Variants in FAM184A observed in about 807,000 individuals in gnomAD.
The protein encoded by FAM184A is family with sequence similarity 184 member A.
Under a neutral mutation model 143.8 loss-of-function variants are expected in FAM184A, and 99 were observed. The ratio of observed to expected loss-of-function variants is 0.69; its 90% CI spans 0.58 to 0.81. The LOEUF is 0.81. FAM184A is among the 40% of genes least tolerant of loss of function. The probability of loss-of-function intolerance (pLI) is 0.00; values close to 1 mark genes in which losing one functional copy is unlikely to be tolerated. For synonymous variants in FAM184A, 427 were observed against 446.4 expected, an observed-to-expected ratio of 0.96 and a Z score of 0.55; for missense variants, 1,217 against 1,310.5, an observed-to-expected ratio of 0.93 and a Z score of 1.10.
chr6:119,089,502 T>C (rs889907993), intron 1 of FAM184A, among the ~76,000 whole-genome samples: 1 of 152,178 alleles, frequency 6.6e-6, no homozygotes, highest in Non-Finnish European at 1.5e-5. Flanking sequence ...GGGATCTTGC[T>C]ACATTGCCCA....
At chr6:119,013,610 T>G (rs990238066) in intron 5 of FAM184A, among the ~76,000 whole-genome samples, 10 of 152,324 alleles carry the variant, frequency 6.6e-5, no homozygotes, top group African/African-American at 2.2e-4. Flanking sequence ...AATAGTGACC[T>G]GGCACAGAGA....
rs532496144 is a variant in FAM184A at position 118,997,127 on chromosome 6, G to A, written c.2088+5772C>T. Among the ~76,000 whole-genome samples the A allele has an allele frequency of 1.8e-4, 27 of 151,892 alleles. No homozygotes were observed. The South Asian group carries it at 5.2e-3, about 29-fold the overall frequency. On this transcript the variant is annotated intron_variant, in intron 9 of 17. Transcript: ENST00000338891. ...TTGAAAGGTAGTGGTATGGCTGGGC[G>A]TGGTGGCTCACACCTGTAATCCCAG... is the stretch of plus-strand genomic sequence containing the variant.
intron 1 of FAM184A, among the ~76,000 whole-genome samples, chr6:119,140,758 C>T (rs180880042): frequency 4.6e-5 from 7 of 152,268 alleles, no homozygotes; most frequent in Non-Finnish European, 8.8e-5. Context: ...GAAAGGGAGG[C>T]GAGGGAGGGT....
chr6:119,136,797 C>T (rs1312112637), intron 1 of FAM184A, among the ~76,000 whole-genome samples: 9 of 152,156 alleles, frequency 5.9e-5, no homozygotes, highest in African/African-American at 1.4e-4. Context: ...GCCACATGCC[C>T]GTTTCTTGGC....
intron 1 of FAM184A, among the ~76,000 whole-genome samples, chr6:119,100,845 G>T: frequency 6.6e-6 from 1 of 151,828 alleles, no homozygotes; most frequent in East Asian, 2.0e-4. Flanking sequence ...TATAGTCCCA[G>T]CTACTTGGGA....
intron 1 of FAM184A, among the ~76,000 whole-genome samples, chr6:119,101,223 C>T (rs1231874389): frequency 3.3e-5 from 5 of 151,668 alleles, no homozygotes; most frequent in Admixed American, 6.6e-5. Flanking sequence ...TGCACCACCA[C>T]GCCTGGCTAA....
intron 1 of FAM184A, among the ~76,000 whole-genome samples, chr6:119,032,659 G>A (rs1785934824): frequency 6.6e-6 from 1 of 150,500 alleles, no homozygotes; most frequent in Admixed American, 6.6e-5. Context: ...GGAAGGGAGG[G>A]AGCAGGGAGG....
intron 1 of FAM184A, among the ~76,000 whole-genome samples, chr6:119,041,970 G>A (rs1252877371): frequency 2.0e-5 from 3 of 152,116 alleles, no homozygotes; most frequent in Admixed American, 6.5e-5. Context: ...CAGAGAACAC[G>A]AGGCTTGCCA....
At chr6:119,140,295 G>A (rs116006432) in intron 1 of FAM184A, among the ~76,000 whole-genome samples, 82 of 152,214 alleles carry the variant, frequency 5.4e-4, no homozygotes, top group African/African-American at 1.9e-3. Flanking sequence ...TTCTGGCCAC[G>A]TGTCTTTATT....
chr6:119,106,319 GA>G (rs10718274), intron 1 of FAM184A, among the ~76,000 whole-genome samples: 96,672 of 151,850 alleles, frequency 0.64, 31,435 homozygotes, highest in East Asian at 0.96. Flanking sequence ...TTGAACCCAG[GA>G]AGGCGGAGCT....
intron 1 of FAM184A, among the ~76,000 whole-genome samples, chr6:119,139,042 C>T (rs1488436112): frequency 2.0e-5 from 3 of 152,182 alleles, no homozygotes; most frequent in Non-Finnish European, 4.4e-5. Flanking sequence ...TTGTCATGCA[C>T]GGTAGCAGAT....
chr6:119,102,434 A>C (rs1168386492), intron 1 of FAM184A, among the ~76,000 whole-genome samples: 2 of 152,262 alleles, frequency 1.3e-5, no homozygotes, highest in African/African-American at 4.8e-5. Flanking sequence ...ATAGTAAATA[A>C]GCTTCAGTAT....
chr6:119,001,080 C>T (rs1159974073), intron 9 of FAM184A, among the ~76,000 whole-genome samples: 2 of 149,348 alleles, frequency 1.3e-5, no homozygotes, highest in Admixed American at 6.8e-5. Flanking sequence ...TCCATAACGA[C>T]GTTCCATTTA....
intron 9 of FAM184A, among the ~76,000 whole-genome samples, chr6:118,984,181 A>ATATATATATTTATATT (rs1184331892): frequency 1.4e-5 from 2 of 140,256 alleles, no homozygotes; most frequent in African/African-American, 5.3e-5. Flanking sequence ...ATATATATTT[A>ATATATATATTTATATT]TATATATATT....
At position 119,038,072 on chromosome 6, in the gene FAM184A, G is replaced by A. The variant is rs1582538912; in HGVS notation, c.160-13259C>T. 2.0e-5 allele frequency among the ~76,000 whole-genome samples: 3 copies of A among 152,148 alleles called. No individual in the cohort carries two copies. The East Asian group carries it at 5.8e-4, about 29-fold the overall frequency. ...CCAGCACAGCCCTAGAAACACAAGA[G>A]GAGCAGGTGGGGAGCCGAGATAAGA... On this transcript the variant is annotated intron_variant, in intron 1 of 17. Transcript: ENST00000338891.
chr6:119,037,690 G>A (rs996229687), intron 1 of FAM184A, among the ~76,000 whole-genome samples: 8 of 152,116 alleles, frequency 5.3e-5, no homozygotes, highest in East Asian at 3.8e-4. Context: ...TTTAGAATAC[G>A]TAAAAATAAT....
In FAM184A at chr6:119,024,121, T is replaced by C; in HGVS notation, c.852A>G (p.Glu284=). 3.1e-6 allele frequency: 5 copies of C among 1,614,188 alleles called. No individual in the cohort carries two copies. The highest frequency in any genetic ancestry group is 4.2e-6 in the Non-Finnish European group (5 of 1,180,046). Residue 284 remains glutamate, a synonymous_variant, in exon 2 of 18, where the codon GAA becomes GAG. Coordinates refer to ENST00000338891, the MANE Select transcript of FAM184A (RefSeq NM_024581.6). ...CCTGAAATTCTTTTCTAAGATCAGC[T>C]TCCTTTTCTTTGCTGGCCTGTAGGC... ...AESLQASKEK[E]ADLRKEFQGQ... is the part of the protein sequence containing the mutation.
At chr6:119,138,344 C>T (rs1423598294) in intron 1 of FAM184A, among the ~76,000 whole-genome samples, 5 of 152,236 alleles carry the variant, frequency 3.3e-5, no homozygotes, top group South Asian at 2.1e-4. Flanking sequence ...TAAAACAGCA[C>T]CAATGTATTA....
chr6:119,086,292 C>G (rs1409488170), intron 1 of FAM184A, among the ~76,000 whole-genome samples: 1 of 152,206 alleles, frequency 6.6e-6, no homozygotes, highest in Non-Finnish European at 1.5e-5. Flanking sequence ...AAAAAGTAGT[C>G]TCTTCAGGGC....
Sources: allele counts gnomAD v4.1 joint callset (sites outside exome capture counted in the v4.1 genomes callset), GRCh38; gene constraint gnomAD v4.1.1; transcripts MANE v1.5; gene names NCBI Gene and HGNC (gene_info 2026-07-23, HGNC 2026-07-21).